PKIG: variants seen among roughly 807,000 people sequenced by gnomAD.
The protein encoded by PKIG is cAMP-dependent protein kinase inhibitor gamma, also known as protein kinase (cAMP-dependent, catalytic) inhibitor gamma.
PKIG carries 1 observed loss-of-function variant against 6.8 expected under a neutral mutation model. That is an observed-to-expected ratio of 0.15 (90% CI 0.05 to 0.69). PKIG has a LOEUF of 0.69. PKIG is among the 30% of genes least tolerant of loss of function. PKIG has a pLI of 0.82. For missense variants in PKIG, 77 were observed against 104.0 expected (o/e 0.74, Z 1.13); for synonymous variants, 39 against 43.0 (o/e 0.91, Z 0.36).
chr20:44,586,879 C>G (rs907760128), intron 1 of PKIG, among the ~76,000 whole-genome samples: 2 of 152,136 alleles, frequency 1.3e-5, no homozygotes, highest in Admixed American at 6.5e-5. Context: ...ATAATGTATC[C>G]GCTCTTACTG....
At chr20:44,605,709 T>A (rs1229124483) in intron 2 of PKIG, among the ~76,000 whole-genome samples, 1 of 150,634 alleles carries the variant, frequency 6.6e-6, no homozygotes, top group African/African-American at 2.4e-5. Flanking sequence ...AGCCCAGGAG[T>A]TCAAAACCAG....
At chr20:44,616,155 G>T (rs1037611573) in intron 3 of PKIG, among the ~76,000 whole-genome samples, 1 of 152,086 alleles carries the variant, frequency 6.6e-6, no homozygotes, top group Non-Finnish European at 1.5e-5. Context: ...CCCCTTGCCT[G>T]GCTGGGTTCT....
intron 1 of PKIG, among the ~76,000 whole-genome samples, chr20:44,564,725 G>A (rs1388058293): frequency 6.6e-6 from 1 of 152,134 alleles, no homozygotes; most frequent in Non-Finnish European, 1.5e-5. Flanking sequence ...CAGTTTTGGA[G>A]GGCTCTCCTT....
chr20:44,616,967 G>A (rs2065270779), intron 3 of PKIG, among the ~76,000 whole-genome samples: 1 of 152,220 alleles, frequency 6.6e-6, no homozygotes, highest in Non-Finnish European at 1.5e-5. Flanking sequence ...AAACCTTCAG[G>A]AATGCTGCTT....
At chr20:44,558,573 T>TC (rs756160333) in intron 1 of PKIG, among the ~76,000 whole-genome samples, 337 of 124,034 alleles carry the variant, frequency 2.7e-3, no homozygotes, top group Admixed American at 3.8e-3. Flanking sequence ...CTTTTTTTCT[T>TC]TTTTCTTTCT....
In PKIG at chr20:44,571,003, G is replaced by A. The variant is rs111508318; in HGVS notation, c.-240-11582G>A. On this transcript the variant is annotated intron_variant, in intron 1 of 4. Coordinates refer to the PKIG transcript ENST00000372887. ...AATTCCAGCACTTTGGGAGGCCGAG[G>A]CGAGTGGATCACTTGAAGCCAGGAG... 3.3e-5 allele frequency among the ~76,000 whole-genome samples: 5 copies of A among 152,262 alleles called. No individual in the cohort carries two copies. The South Asian group carries it at 1.0e-3, about 32-fold the overall frequency.
At chr20:44,607,521 C>T (rs2065176638) in intron 2 of PKIG, among the ~76,000 whole-genome samples, 2 of 149,988 alleles carry the variant, frequency 1.3e-5, no homozygotes, top group South Asian at 2.1e-4. Flanking sequence ...GGACTACAGG[C>T]GTGCACCACC....
chr20:44,605,726 C>A (rs1303115178), intron 2 of PKIG, among the ~76,000 whole-genome samples: 1 of 151,678 alleles, frequency 6.6e-6, no homozygotes, highest in Non-Finnish European at 1.5e-5. Flanking sequence ...CCAGCCTGGG[C>A]AACATAGTGA....
In PKIG at chr20:44,607,373, ATATATTT is replaced by A. The variant is rs1178846586; in HGVS notation, c.-23-7159_-23-7153del. On this transcript the variant is annotated intron_variant, in intron 2 of 3. Transcript: ENST00000372886. The stretch of plus-strand genomic sequence containing the variant: ...TGTGTGTGTGTGTATATATATATAT[ATATATTT>A]TTTTTTTTTTTTTTTTGAAATAGAG... Among the ~76,000 whole-genome samples, 3 of 111,452 alleles carry A rather than the reference ATATATTT, an allele frequency of 2.7e-5. No homozygotes were observed. In the East Asian group the frequency reaches 8.1e-4, roughly 30 times the overall value. 73.1% of individuals were successfully genotyped at this position (111,452 alleles called of 152,430 possible). A position where few individuals can be genotyped will look rare whatever the true frequency, so the allele number is the denominator to read the frequency against.
intron 1 of PKIG, among the ~76,000 whole-genome samples, chr20:44,566,220 C>A (rs1230384965): frequency 6.6e-6 from 1 of 152,120 alleles, no homozygotes; most frequent in East Asian, 1.9e-4. Flanking sequence ...CAGCTATGTT[C>A]ATTTTGTTTA....
At chr20:44,581,584 C>A (rs2064948617), upstream of PKIG, among the ~76,000 whole-genome samples, 2 of 152,204 alleles carry the variant, frequency 1.3e-5, no homozygotes, top group Admixed American at 1.3e-4. Flanking sequence ...TCTCTCGTAA[C>A]CACTGCTGTT....
At chr20:44,611,827 A>ATT (rs950798756) in intron 2 of PKIG, among the ~76,000 whole-genome samples, 5 of 146,784 alleles carry the variant, frequency 3.4e-5, no homozygotes, top group Non-Finnish European at 7.5e-5. Context: ...CCGATAACAA[A>ATT]TTTTTTTTTT....
At chr20:44,574,621 T>C (rs1019399000) in intron 1 of PKIG, among the ~76,000 whole-genome samples, 2 of 152,224 alleles carry the variant, frequency 1.3e-5, no homozygotes, top group African/African-American at 4.8e-5. Flanking sequence ...TCACCCAGGC[T>C]GGAGTGCAGT....
At chr20:44,551,586 T>G (rs1477556650) in intron 1 of PKIG, among the ~76,000 whole-genome samples, 3 of 152,186 alleles carry the variant, frequency 2.0e-5, no homozygotes, top group African/African-American at 7.2e-5. Context: ...GGTCTCTACC[T>G]ACTAAATGCC....
chr20:44,610,460 CTT>C (rs2065204452), intron 2 of PKIG, among the ~76,000 whole-genome samples: 1 of 146,326 alleles, frequency 6.8e-6, no homozygotes, highest in African/African-American at 2.7e-5. Flanking sequence ...CTGTCTCTCT[CTT>C]TCTCTCTCTC....
chr20:44,613,113 G>A (rs2065233628), intron 2 of PKIG, among the ~76,000 whole-genome samples: 1 of 152,194 alleles, frequency 6.6e-6, no homozygotes, highest in South Asian at 2.1e-4. Flanking sequence ...TCTAGACTGT[G>A]TTACCAAGCA....
chr20:44,533,367 G>C (rs1338765900), intron 1 of PKIG, among the ~76,000 whole-genome samples: 1 of 152,210 alleles, frequency 6.6e-6, no homozygotes, highest in Non-Finnish European at 1.5e-5. Flanking sequence ...TCTTCTATGT[G>C]CAAGGCACTG....
chr20:44,594,191 T>A (rs921661634), intron 2 of PKIG, among the ~76,000 whole-genome samples: 1 of 152,256 alleles, frequency 6.6e-6, no homozygotes, highest in African/African-American at 2.4e-5. Context: ...CAAAACGACT[T>A]CTTTAATTTA....
intron 1 of PKIG, among the ~76,000 whole-genome samples, chr20:44,548,870 A>G (rs1050450975): frequency 5.0e-5 from 7 of 139,414 alleles, no homozygotes; most frequent in Non-Finnish European, 9.1e-5. Context: ...ACACACACAC[A>G]CACACACACA....
Sources: allele counts gnomAD v4.1 joint callset (sites outside exome capture counted in the v4.1 genomes callset), GRCh38; gene constraint gnomAD v4.1.1; transcripts MANE v1.5; gene names NCBI Gene and HGNC (gene_info 2026-07-23, HGNC 2026-07-21).